ANO2: variants seen among roughly 807,000 people sequenced by gnomAD.
The protein encoded by ANO2 is anoctamin 2, also known as anoctamin-2.
ANO2 carries 101 observed loss-of-function variants against 124.2 expected under a neutral mutation model. That is an observed-to-expected ratio of 0.81 (90% CI 0.69 to 0.96). ANO2 has a LOEUF of 0.96. Among genes scored for constraint, ANO2 ranks in the 40% least tolerant of loss-of-function variants. The probability of loss-of-function intolerance (pLI) is 0.00; values close to 1 mark genes in which losing one functional copy is unlikely to be tolerated. For missense variants in ANO2, 1,293 were observed against 1,274.5 expected, an observed-to-expected ratio of 1.01 and a Z score of -0.22; for synonymous variants, 486 against 482.5, an observed-to-expected ratio of 1.01 and a Z score of -0.09.
At position 5,921,320 on chromosome 12, in the gene ANO2, G is replaced by A. The variant is rs770855584; in HGVS notation, c.254C>T (p.Ala85Val). 7 of 1,613,858 alleles carry A rather than the reference G, an allele frequency of 4.3e-6. No homozygotes were observed. Among genetic ancestry groups the A allele is most frequent in the Admixed American group, 1.7e-5 (1 of 60,012 alleles). ...ATGGAAGTGCATGCGGCTAAGACGG[G>A]CCTCCAAGGACACAGGCTCATTGGC... ...LDANEPVSLEARLSRMHFHDS... is the reference protein window; with the variant it reads ...LDANEPVSLEVRLSRMHFHDS... Residue 85 changes from alanine (A) to valine (V), a missense_variant, in exon 3 of 25, where the codon GCC becomes GTC. Transcript: ENST00000682330.
chr12:5,600,901 G>C (rs186132216), intron 19 of ANO2, among the ~76,000 whole-genome samples: 22 of 151,718 alleles, frequency 1.5e-4, no homozygotes, highest in African/African-American at 5.1e-4. Context: ...GAGCACTTCT[G>C]GTATGATTAG....
intron 4 of ANO2, among the ~76,000 whole-genome samples, chr12:5,852,872 T>TGC (rs1355066199): frequency 6.6e-6 from 1 of 150,690 alleles, no homozygotes; most frequent in Non-Finnish European, 1.5e-5. Context: ...TGTGTGTGTG[T>TGC]GTGTGTGTGT....
chr12:5,827,633 C>A, intron 7 of ANO2, 136 bp downstream of exon 7: 2 of 1,075,356 alleles, frequency 1.9e-6, no homozygotes, highest in Non-Finnish European at 2.7e-6. Context: ...GCTTCTCAGC[C>A]CAAGCTAAGC....
intron 20 of ANO2, among the ~76,000 whole-genome samples, chr12:5,589,319 C>A (rs1426428818): frequency 6.6e-6 from 1 of 151,418 alleles, no homozygotes; most frequent in Admixed American, 6.6e-5. Flanking sequence ...GGGGAGGAGG[C>A]AGAGGAAGAA....
chr12:5,764,771 C>T (rs554486989), intron 10 of ANO2, among the ~76,000 whole-genome samples: 3 of 149,066 alleles, frequency 2.0e-5, no homozygotes, highest in Admixed American at 1.3e-4. Context: ...CTGAGGCATT[C>T]GATCGTTCAG....
Position 5,914,206 on chromosome 12 carries a change from G to GAAA in ANO2, c.534+6831_534+6833dup, listed in dbSNP as rs62809360. Reference sequence around the variant, plus strand: ...CAGAGTGAGACTCCATCTCAAAAAAGAAAAAAAGAAAAAAGAAAGTGAGGC... The same window carrying GAAA: ...CAGAGTGAGACTCCATCTCAAAAAAGAAAAAAAAAAGAAAAAAGAAAGTGAGGC... On this transcript the variant is annotated intron_variant, in intron 3 of 24. Transcript: ENST00000682330. Among the ~76,000 whole-genome samples the GAAA allele has an allele frequency of 3.2e-3, 489 of 150,652 alleles. 2 individuals carry two copies. Among genetic ancestry groups the GAAA allele is most frequent in the Non-Finnish European group, 4.7e-3 (317 of 67,720 alleles).
intron 3 of ANO2, among the ~76,000 whole-genome samples, chr12:5,907,781 T>G (rs528023168): frequency 1.1e-4 from 16 of 152,364 alleles, no homozygotes; most frequent in African/African-American, 3.1e-4. Flanking sequence ...AGACCCGGCA[T>G]GGCTAAGAAC....
intron 3 of ANO2, among the ~76,000 whole-genome samples, chr12:5,873,170 T>C (rs977604759): frequency 1.3e-5 from 2 of 151,790 alleles, no homozygotes; most frequent in Non-Finnish European, 2.9e-5. Context: ...ACCAGAATTA[T>C]AACTTTGTTA....
intron 15 of ANO2, among the ~76,000 whole-genome samples, chr12:5,641,968 G>A (rs940126188): frequency 2.0e-5 from 3 of 152,128 alleles, no homozygotes; most frequent in African/African-American, 7.2e-5. Flanking sequence ...TTGAATGGTG[G>A]TCCAGTGATC....
At chr12:5,628,847 A>T (rs1945550956) in intron 16 of ANO2, among the ~76,000 whole-genome samples, 1 of 152,208 alleles carries the variant, frequency 6.6e-6, no homozygotes, top group South Asian at 2.1e-4. Context: ...CAGCCTTCTC[A>T]TAAGTAAAAT....
chr12:5,778,927 G>A (rs1048293356), intron 10 of ANO2, among the ~76,000 whole-genome samples: 5 of 152,160 alleles, frequency 3.3e-5, no homozygotes, highest in African/African-American at 1.2e-4. Context: ...TATGGATCTT[G>A]TCTGATTTAT....
intron 14 of ANO2, among the ~76,000 whole-genome samples, chr12:5,663,622 C>T (rs903195319): frequency 4.6e-5 from 7 of 152,154 alleles, no homozygotes; most frequent in African/African-American, 1.7e-4. Flanking sequence ...TGCTGAAATG[C>T]TCAGCCCATA....
intron 3 of ANO2, among the ~76,000 whole-genome samples, chr12:5,879,183 G>A (rs998560461): frequency 3.3e-5 from 5 of 152,202 alleles, no homozygotes; most frequent in Admixed American, 6.5e-5. Flanking sequence ...AAGGAGCCAC[G>A]TGAAGCTGAT....
chr12:5,664,997 T>A (rs1232501147), intron 14 of ANO2, among the ~76,000 whole-genome samples: 1 of 152,222 alleles, frequency 6.6e-6, no homozygotes, highest in Admixed American at 6.5e-5. Context: ...GGACAAGGAC[T>A]TCTGTCCCTA....
At chr12:5,891,903 C>A (rs1334601715) in intron 3 of ANO2, among the ~76,000 whole-genome samples, 1 of 152,028 alleles carries the variant, frequency 6.6e-6, no homozygotes, top group Non-Finnish European at 1.5e-5. Flanking sequence ...TTTAAAATTA[C>A]TGAACATACA....
At chr12:5,843,116 T>C (rs972563457) in intron 4 of ANO2, among the ~76,000 whole-genome samples, 1 of 152,158 alleles carries the variant, frequency 6.6e-6, no homozygotes, top group Non-Finnish European at 1.5e-5. Context: ...ACCAACCCTA[T>C]GTAAACGGCA....
intron 15 of ANO2, among the ~76,000 whole-genome samples, chr12:5,641,600 G>GATGTGT (rs1458146216): frequency 1.3e-5 from 2 of 152,198 alleles, no homozygotes; most frequent in African/African-American, 4.8e-5. Context: ...ACCTGACTGT[G>GATGTGT]AAGGGTGATG....
At chr12:5,741,800 G>A (rs1156980483) in intron 12 of ANO2, among the ~76,000 whole-genome samples, 3 of 152,172 alleles carry the variant, frequency 2.0e-5, no homozygotes, top group Non-Finnish European at 4.4e-5. Context: ...GGACAACGAT[G>A]CTCAAAGATT....
chr12:5,782,156 T>A (rs1952418905), intron 10 of ANO2, among the ~76,000 whole-genome samples: 1 of 152,222 alleles, frequency 6.6e-6, no homozygotes. Context: ...GATTTTTATG[T>A]CTTCTTAATG....
Sources: allele counts gnomAD v4.1 joint callset (sites outside exome capture counted in the v4.1 genomes callset), GRCh38; gene constraint gnomAD v4.1.1; transcripts MANE v1.5; gene names NCBI Gene and HGNC (gene_info 2026-07-23, HGNC 2026-07-21).